Variants in PCDHA9 observed in about 807,000 individuals in gnomAD.
PCDHA9 encodes the protein protocadherin alpha 9, also known as protocadherin alpha-9.
In PCDHA9, 62 loss-of-function variants were observed where a neutral mutation model predicts 62.0. The observed-to-expected ratio is 1.00, with a 90% confidence interval of 0.81 to 1.23. PCDHA9 has a LOEUF of 1.23. PCDHA9 is among the 50% of genes most tolerant of loss of function. PCDHA9 has a pLI of 0.00. For synonymous variants in PCDHA9, 557 were observed against 567.6 expected (o/e 0.98, Z 0.27); for missense variants, 1,205 against 1,249.8 (o/e 0.96, Z 0.54).
chr5:140,874,745 A>G (rs2055087824), intron 1 of PCDHA9, among the ~76,000 whole-genome samples: 2 of 152,242 alleles, frequency 1.3e-5, no homozygotes, highest in African/African-American at 4.8e-5. Flanking sequence ...GCATCAAGGA[A>G]CCAAACAATA....
At chr5:140,921,615 C>A (rs977929420) in intron 1 of PCDHA9, among the ~76,000 whole-genome samples, 13 of 152,090 alleles carry the variant, frequency 8.5e-5, no homozygotes, top group Non-Finnish European at 1.5e-4. Flanking sequence ...AGAAAAATAT[C>A]ATCAGATCAT....
chr5:140,876,795 G>A (rs782560755), intron 1 of PCDHA9: 97 of 1,614,108 alleles, frequency 6.0e-5, no homozygotes, highest in Non-Finnish European at 7.5e-5. Context: ...CGGCTAGAGT[G>A]TCCGTGGAGG....
chr5:140,869,577 T>C, intron 1 of PCDHA9: 2 of 1,614,188 alleles, frequency 1.2e-6, no homozygotes, highest in Non-Finnish European at 8.5e-7. Context: ...AGGGAGCTTC[T>C]GATGCTGACA....
intron 1 of PCDHA9, chr5:140,881,320 A>G (rs186641452): frequency 3.0e-6 from 3 of 983,610 alleles, no homozygotes; most frequent in East Asian, 1.1e-4. Context: ...GTTAAATTCT[A>G]TTTAACCAGG....
At chr5:140,994,817 T>C (rs1362838008) in intron 3 of PCDHA9, among the ~76,000 whole-genome samples, 3 of 152,068 alleles carry the variant, frequency 2.0e-5, no homozygotes, top group African/African-American at 7.2e-5. Context: ...TACAAAAAAC[T>C]GAATTGTGTA....
At position 140,979,015 on chromosome 5, in the gene PCDHA9, T is replaced by C. The variant is rs782169362; in HGVS notation, c.2453+8T>C. ...GAGAGCAGGCATGCACAGGTATGTATTTCCCTCCTCATTCACTCAGAAGTA... is the reference window on the plus strand; with the variant it reads ...GAGAGCAGGCATGCACAGGTATGTACTTCCCTCCTCATTCACTCAGAAGTA... On this transcript the variant is annotated splice_region_variant and intron_variant, in intron 2 of 3. Coordinates refer to ENST00000532602, the MANE Select transcript of PCDHA9 (RefSeq NM_031857.2). 1 of 1,613,802 alleles carries C rather than the reference T, an allele frequency of 6.2e-7. No individual in the cohort carries two copies. Among genetic ancestry groups the C allele is most frequent in the Non-Finnish European group, 8.5e-7 (1 of 1,179,916 alleles).
chr5:140,962,023 A>G (rs565113928), intron 1 of PCDHA9, among the ~76,000 whole-genome samples: 3 of 152,062 alleles, frequency 2.0e-5, no homozygotes, highest in African/African-American at 7.2e-5. Flanking sequence ...AGCTGGGACT[A>G]CAGGCACCCA....
chr5:140,868,872 G>T, intron 1 of PCDHA9: 1 of 640,590 alleles, frequency 1.6e-6, no homozygotes. Context: ...GCAGTGCACA[G>T]TACTCACAGT....
At position 140,878,341 on chromosome 5, in the gene PCDHA9, A is replaced by G. The variant is rs980108622; in HGVS notation, c.2394+27452A>G. Reference sequence around the variant, plus strand: ...TTCACATTATATTCCAGGTATTATCACAATAATATAAATGATATGTCTGAC... The same window carrying G: ...TTCACATTATATTCCAGGTATTATCGCAATAATATAAATGATATGTCTGAC... On this transcript the variant is annotated intron_variant, in intron 1 of 3. Coordinates refer to ENST00000532602, the MANE Select transcript of PCDHA9 (RefSeq NM_031857.2). Among the ~76,000 whole-genome samples the G allele has an allele frequency of 2.0e-5, 3 of 152,350 alleles. No homozygotes were observed. In the East Asian group the frequency reaches 5.8e-4, roughly 29 times the overall value.
rs571650734 is a variant in PCDHA9 at position 140,851,052 on chromosome 5, C to T, written c.2394+163C>T. On this transcript the variant is annotated intron_variant, in intron 1 of 3. Transcript: ENST00000532602. Reference sequence around the variant, plus strand: ...CCCTTAACATTGGAGCCGACTTTGTCTTGACTTCTAGTGAGAATTATAAAC... The same window carrying T: ...CCCTTAACATTGGAGCCGACTTTGTTTTGACTTCTAGTGAGAATTATAAAC... 5 of 1,384,048 alleles carry T rather than the reference C, an allele frequency of 3.6e-6. No individual in the cohort carries two copies. The African/African-American group carries it at 5.9e-5, about 16-fold the overall frequency. The allele number at this position is 1,384,048 out of a possible 1,614,324, so 85.7% of individuals were successfully genotyped here.
At chr5:140,884,252 A>T (rs782059444) in intron 1 of PCDHA9, 36 of 1,613,334 alleles carry the variant, frequency 2.2e-5, no homozygotes, top group Non-Finnish European at 2.9e-5. Context: ...GCTGACGGCC[A>T]CGGCAACGGT....
intron 1 of PCDHA9, chr5:140,869,699 C>T (rs10071369): frequency 6.2e-7 from 1 of 1,613,378 alleles, no homozygotes; most frequent in East Asian, 2.2e-5. Context: ...TTAAAGAAGT[C>T]TCTGGATAGA....
At chr5:140,922,891 G>GA (rs1554201035) in intron 1 of PCDHA9, among the ~76,000 whole-genome samples, 2 of 152,160 alleles carry the variant, frequency 1.3e-5, no homozygotes, top group Non-Finnish European at 2.9e-5. Context: ...CATCATTCAA[G>GA]AAAAAATTTT....
rs143002904 is a variant in PCDHA9, at chr5:140,856,290, G to T, written c.2394+5401G>T. 5.0e-6 allele frequency: 8 copies of T among 1,598,368 alleles called. 2 individuals are homozygous for T. The African/African-American group carries it at 8.1e-5, about 16-fold the overall frequency. ...CTTCTGGAGGTAAATCTGCAGAATGGCATTTTGTTTGTGAATTCTCGGATT... is the reference window on the plus strand; with the variant it reads ...CTTCTGGAGGTAAATCTGCAGAATGTCATTTTGTTTGTGAATTCTCGGATT... On this transcript the variant is annotated intron_variant, in intron 1 of 3. Coordinates refer to ENST00000532602, the MANE Select transcript of PCDHA9 (RefSeq NM_031857.2).
At chr5:140,947,780 A>G (rs2094176112) in intron 1 of PCDHA9, among the ~76,000 whole-genome samples, 1 of 151,588 alleles carries the variant, frequency 6.6e-6, no homozygotes, top group Non-Finnish European at 1.5e-5. Flanking sequence ...TTGTAAATGG[A>G]TTTTAAACAG....
intron 1 of PCDHA9, chr5:140,883,983 G>A (rs2059929181): frequency 6.2e-7 from 1 of 1,612,892 alleles, no homozygotes; most frequent in East Asian, 2.2e-5. Flanking sequence ...GGGGCTGGCA[G>A]CGCGGGAGGC....
At chr5:140,967,996 C>T in intron 1 of PCDHA9, 2 of 1,614,214 alleles carry the variant, frequency 1.2e-6, no homozygotes, top group Non-Finnish European at 1.7e-6. Flanking sequence ...CACTGCCTTT[C>T]CGACTGAATG....
intron 3 of PCDHA9, among the ~76,000 whole-genome samples, chr5:140,992,017 CTG>C (rs10602499): frequency 0.14 from 19,772 of 145,244 alleles, 1,405 homozygotes; most frequent in African/African-American, 0.18. Flanking sequence ...AGAGGTGGCT[CTG>C]TGTGTGTGTG....
At chr5:140,857,658 G>A (rs17844344) in intron 1 of PCDHA9, 3 of 1,596,790 alleles carry the variant, frequency 1.9e-6, no homozygotes, top group East Asian at 2.2e-5. Context: ...GTGAGCGCGC[G>A]CGATGGGGGC....
Sources: gnomAD v4.1 joint callset for allele counts (sites outside exome capture counted in the v4.1 genomes callset) on GRCh38, gnomAD v4.1.1 for gene constraint, MANE v1.5 for transcripts, NCBI Gene and HGNC (gene_info 2026-07-23, HGNC 2026-07-21) for gene names.